The following PML variants were observed in gnomAD, a reference collection of about 807,000 sequenced individuals.
PML encodes the protein PML nuclear body scaffold.
In PML, 28 loss-of-function variants were observed where a neutral mutation model predicts 65.2. The ratio of observed to expected loss-of-function variants is 0.43; its 90% CI spans 0.32 to 0.59. The LOEUF is 0.59. PML is among the 20% of genes least tolerant of loss of function. The pLI is 0.08. For missense variants in PML, 1,021 were observed against 1,203.4 expected, an observed-to-expected ratio of 0.85 and a Z score of 2.24; for synonymous variants, 500 against 508.8, an observed-to-expected ratio of 0.98 and a Z score of 0.23.
At chr15:74,029,127 G>A (rs539287687) in intron 4 of PML, among the ~76,000 whole-genome samples, 27 of 151,866 alleles carry the variant, frequency 1.8e-4, no homozygotes, top group Admixed American at 8.5e-4. Context: ...CACCAGCACC[G>A]TGTAAAAGTT....
intron 2 of PML, among the ~76,000 whole-genome samples, chr15:74,010,431 C>A (rs1017287443): frequency 1.3e-5 from 2 of 150,276 alleles, no homozygotes; most frequent in Non-Finnish European, 3.0e-5. Flanking sequence ...GTGGGAGGAT[C>A]ACTTGAGCCT....
At chr15:74,001,845 A>G (rs2069776265) in intron 2 of PML, among the ~76,000 whole-genome samples, 1 of 152,026 alleles carries the variant, frequency 6.6e-6, no homozygotes, top group Non-Finnish European at 1.5e-5. Context: ...CAAAAAATAA[A>G]AAAAATTAGC....
intron 3 of PML, among the ~76,000 whole-genome samples, chr15:74,023,843 T>G (rs563872729): frequency 7.0e-4 from 106 of 152,184 alleles, no homozygotes; most frequent in African/African-American, 2.2e-3. Flanking sequence ...CTGGGGATGG[T>G]TGGATGCTTA....
At position 74,042,568 on chromosome 15, in the gene PML, T is replaced by C; in HGVS notation, c.1711-421T>C. On this transcript the variant is annotated intron_variant, in intron 7 of 8. Transcript: ENST00000268058. This position sits in a 1 kb window ranked among gnomAD's most constrained non-coding sequence, Gnocchi z 5.3. ...CTGCCATAGCAGATGGCTCCTTCCC[T>C]GAGCCTCCATAAGCAGCACAGCACA... The C allele has an allele frequency of 1.0e-6, 1 of 985,410 alleles. No homozygotes were observed. The highest frequency in any genetic ancestry group is 1.2e-6 in the Non-Finnish European group (1 of 829,904). The allele number at this position is 985,410 out of a possible 1,614,324, so 61.0% of individuals were successfully genotyped here.
rs778190633 is a variant in PML, at chr15:74,045,045, A to C, written c.*37A>C. The C allele has an allele frequency of 2.6e-6, 4 of 1,546,644 alleles. No individual in the cohort carries two copies. Among genetic ancestry groups the C allele is most frequent in the Non-Finnish European group, 3.5e-6 (4 of 1,147,746 alleles). ...GACCAGCTTGGAGTCTCTGGTGGGC[A>C]GAGAGGGATGGGGTCCCTGAGCCAG... On this transcript the variant is annotated 3_prime_UTR_variant, in exon 9 of 9. Coordinates refer to ENST00000268058, the MANE Select transcript of PML (RefSeq NM_033238.3).
rs756651718 is a variant in PML, at chr15:74,044,622, C to T, written c.2263C>T (p.Arg755Cys). The change falls in exon 9 of 9, where the codon CGC (arginine) becomes TGC (cysteine). Residue 755 changes from arginine to cysteine, a missense_variant. Transcript: ENST00000268058. ...AAVLAMRDLC[R>C]LLEVSPGPQL... Reference sequence around the variant, plus strand: ...CGTGCTGGCCATGCGTGACCTGTGCCGCCTCCTCGAGGTCTCCCCGGGCCC... The same window carrying T: ...CGTGCTGGCCATGCGTGACCTGTGCTGCCTCCTCGAGGTCTCCCCGGGCCC... 24 of 1,606,580 alleles carry T rather than the reference C, an allele frequency of 1.5e-5. No homozygotes were observed. Among genetic ancestry groups the T allele is most frequent in the East Asian group, 2.2e-5 (1 of 44,882 alleles).
rs758123681 is a variant in PML at position 74,043,000 on chromosome 15, G to A, written c.1722G>A (p.Glu574=). The change falls in exon 8 of 9, where the codon GAG becomes GAA. Residue 574 remains glutamate, a synonymous_variant. Coordinates refer to ENST00000268058, the MANE Select transcript of PML (RefSeq NM_033238.3). The surrounding 1 kb of genome is among the most constrained non-coding windows in gnomAD (Gnocchi z 5.3). ...TTTCTGTGTTGCAGTCCTCCCGAGA[G>A]CTGGATGACAGCAGCAGTGAGTCCA... ...DSDAENSSSR[E]LDDSSSESSD... 1.9e-6 allele frequency: 3 copies of A among 1,613,554 alleles called. No homozygotes were observed. The African/African-American group carries it at 4.0e-5, about 22-fold the overall frequency.
rs537901535 is a variant in PML at position 74,036,080 on chromosome 15, T to C, written c.1710+1550T>C. 4 of 1,613,924 alleles carry C rather than the reference T, an allele frequency of 2.5e-6. No individual in the cohort carries two copies. In the South Asian group the frequency reaches 3.3e-5, roughly 13 times the overall value. ...CATTAATTCTTGGTTAAGGAATGAA[T>C]CAACGAATGAATGGCTATGCATGGA... On this transcript the variant is annotated intron_variant, in intron 7 of 8. Coordinates refer to ENST00000268058, the MANE Select transcript of PML (RefSeq NM_033238.3).
Position 74,033,392 on chromosome 15 carries a change from G to A in PML, c.1635G>A (p.Val545=), listed in dbSNP as rs754924275. The change falls in exon 6 of 9, where the codon GTG becomes GTA. Residue 545 remains valine (V), a synonymous_variant. Transcript: ENST00000268058. ...TCTTCCTGCCCAACAGCAACCACGTGGCCAGTGGCGCCGGGGAGGCAGGTA... is the reference window on the plus strand; with the variant it reads ...TCTTCCTGCCCAACAGCAACCACGTAGCCAGTGGCGCCGGGGAGGCAGGTA... ...SEVFLPNSNH[V]ASGAGEAEER... 1.9e-6 allele frequency: 3 copies of A among 1,612,524 alleles called. No individual in the cohort carries two copies. The Admixed American group carries it at 5.0e-5, about 27-fold the overall frequency.
intron 2 of PML, among the ~76,000 whole-genome samples, chr15:74,000,408 C>T: frequency 6.6e-6 from 1 of 152,158 alleles, no homozygotes; most frequent in Non-Finnish European, 1.5e-5. Context: ...TGGGTTCAAA[C>T]AATCCTCCCA....
chr15:74,040,289 T>C (rs1253226452), intron 7 of PML, among the ~76,000 whole-genome samples: 1 of 152,208 alleles, frequency 6.6e-6, no homozygotes, highest in African/African-American at 2.4e-5. Flanking sequence ...CATCTCTCAC[T>C]GCATAGCAAA....
chr15:74,005,242 G>A (rs1278576083), intron 2 of PML, among the ~76,000 whole-genome samples: 2 of 149,724 alleles, frequency 1.3e-5, no homozygotes, highest in African/African-American at 4.9e-5. Context: ...TAGTAGAGAC[G>A]GCGTTTCACC....
chr15:74,045,803 T>C lies in PML; in HGVS notation c.*795T>C, dbSNP rs1273603192. 7 of 232,292 alleles carry C rather than the reference T, an allele frequency of 3.0e-5. No homozygotes were observed. The highest frequency in any genetic ancestry group is 6.0e-5 in the Non-Finnish European group (7 of 117,560). The allele number at this position is 232,292 out of a possible 1,614,324, so 14.4% of individuals were successfully genotyped here. A position where few individuals can be genotyped will look rare whatever the true frequency, so the allele number is the denominator to read the frequency against. ...GTGCCCAGCACTACTCAGCATGTAG[T>C]CCAGGACCTGCGGCATCAGCATCCC... On this transcript the variant is annotated 3_prime_UTR_variant, in exon 9 of 9. Coordinates refer to ENST00000268058, the MANE Select transcript of PML (RefSeq NM_033238.3).
chr15:74,009,108 T>A (rs2070202925), intron 2 of PML, among the ~76,000 whole-genome samples: 1 of 152,046 alleles, frequency 6.6e-6, no homozygotes, highest in Non-Finnish European at 1.5e-5. Flanking sequence ...GACCAGACAT[T>A]CTCAGGAGTG....
rs1423437108 is a variant in PML at position 74,043,534 on chromosome 15, G to A, written c.1861+395G>A. Reference sequence around the variant, plus strand: ...TTCTGAGTAGAGGGCCAATCCCACAGGTGGCTGCACAGGGCTGCCCACAGA... The same window carrying A: ...TTCTGAGTAGAGGGCCAATCCCACAAGTGGCTGCACAGGGCTGCCCACAGA... On this transcript the variant is annotated intron_variant, in intron 8 of 8. Coordinates refer to ENST00000268058, the MANE Select transcript of PML (RefSeq NM_033238.3). This position sits in a 1 kb window ranked among gnomAD's most constrained non-coding sequence, Gnocchi z 4.3. Among the ~76,000 whole-genome samples, 1 of 152,234 alleles carries A rather than the reference G, an allele frequency of 6.6e-6. No individual in the cohort carries two copies. Among genetic ancestry groups the A allele is most frequent in the Non-Finnish European group, 1.5e-5 (1 of 68,040 alleles).
Position 74,042,413 on chromosome 15 carries a change from A to G in PML, c.1711-576A>G. 4 of 985,434 alleles carry G rather than the reference A, an allele frequency of 4.1e-6. No individual in the cohort carries two copies. The highest frequency in any genetic ancestry group is 4.8e-6 in the Non-Finnish European group (4 of 829,902). The allele number at this position is 985,434 out of a possible 1,614,324, so 61.0% of individuals were successfully genotyped here. A position where few individuals can be genotyped will look rare whatever the true frequency, so the allele number is the denominator to read the frequency against. ...GCTGACTTCGGGGACAAGAAAAGGC[A>G]GGCTCCCGACCCCTTCCAAAGAATC... On this transcript the variant is annotated intron_variant, in intron 7 of 8. Coordinates refer to ENST00000268058, the MANE Select transcript of PML (RefSeq NM_033238.3). This position sits in a 1 kb window ranked among gnomAD's most constrained non-coding sequence, Gnocchi z 5.3.
chr15:74,023,433 G>T (rs1169238176), intron 3 of PML, 25 bp downstream of exon 3: 2 of 1,573,936 alleles, frequency 1.3e-6, no homozygotes, highest in Non-Finnish European at 1.7e-6. Flanking sequence ...CACCTTCCTG[G>T]GCGGCCTGTG....
At chr15:74,032,968 T>C (rs2071388810) in intron 5 of PML, among the ~76,000 whole-genome samples, 188 bp from the exon 6 acceptor site, 1 of 152,122 alleles carries the variant, frequency 6.6e-6, no homozygotes, top group African/African-American at 2.4e-5. Flanking sequence ...CAGAGACTGG[T>C]GGACAGCAGA....
chr15:74,005,545 A>G (rs990151520), intron 2 of PML, among the ~76,000 whole-genome samples: 1 of 149,780 alleles, frequency 6.7e-6, no homozygotes, highest in African/African-American at 2.4e-5. Context: ...CCATTCTTCT[A>G]TCTGCTACCC....
Sources: allele counts gnomAD v4.1 joint callset (sites outside exome capture counted in the v4.1 genomes callset), GRCh38; gene constraint gnomAD v4.1.1; non-coding constraint Gnocchi (gnomAD v3.1); transcripts MANE v1.5; gene names NCBI Gene and HGNC (gene_info 2026-07-23, HGNC 2026-07-21).